Variants in TMEM132D observed in about 807,000 individuals in gnomAD.
TMEM132D encodes the protein mature OL transmembrane protein.
A neutral mutation model predicts 62.3 loss-of-function variants in TMEM132D; 21 were observed. That is an observed-to-expected ratio of 0.34 (90% CI 0.24 to 0.49). The LOEUF is 0.49. Among genes scored for constraint, TMEM132D ranks in the 20% least tolerant of loss-of-function variants. TMEM132D has a pLI of 0.99. For missense variants in TMEM132D, 1,346 were observed against 1,402.8 expected (o/e 0.96, Z 0.65); for synonymous variants, 621 against 575.6 (o/e 1.08, Z -1.13).
chr12:129,622,490 G>C (rs531305995), intron 2 of TMEM132D, among the ~76,000 whole-genome samples: 1 of 152,090 alleles, frequency 6.6e-6, no homozygotes, highest in Non-Finnish European at 1.5e-5. Flanking sequence ...CCAGCTGACC[G>C]ACTATATCCT....
intron 1 of TMEM132D, among the ~76,000 whole-genome samples, chr12:129,838,068 C>T (rs1180314975): frequency 6.6e-6 from 1 of 152,172 alleles, no homozygotes; most frequent in Non-Finnish European, 1.5e-5. Flanking sequence ...TTTCATGCAC[C>T]AATAAAATTT....
At position 129,477,617 on chromosome 12, in the gene TMEM132D, G is replaced by A. The variant is rs1463564200; in HGVS notation, c.1115+53442C>T. On this transcript the variant is annotated intron_variant, in intron 3 of 8. Coordinates refer to ENST00000422113, the MANE Select transcript of TMEM132D (RefSeq NM_133448.3). ...GGGTGGATCACCAGGTCAGGAGATCGAGACCATCCTGGCTAACACGGTGAA... is the reference window on the plus strand; with the variant it reads ...GGGTGGATCACCAGGTCAGGAGATCAAGACCATCCTGGCTAACACGGTGAA... Among the ~76,000 whole-genome samples, 5 of 152,130 alleles carry A rather than the reference G, an allele frequency of 3.3e-5. No homozygotes were observed. In the South Asian group the frequency reaches 8.3e-4, roughly 25 times the overall value.
At chr12:129,559,738 A>G (rs1877162136) in intron 2 of TMEM132D, among the ~76,000 whole-genome samples, 1 of 152,190 alleles carries the variant, frequency 6.6e-6, no homozygotes, top group Admixed American at 6.5e-5. Flanking sequence ...ATCCCCTCAA[A>G]AAGTCAACTT....
intron 4 of TMEM132D, among the ~76,000 whole-genome samples, chr12:129,276,255 A>G (rs917308720): frequency 1.3e-5 from 2 of 152,332 alleles, no homozygotes; most frequent in East Asian, 3.9e-4. Flanking sequence ...TTACCCAAAG[A>G]TAAAACGCTT....
chr12:129,393,950 C>T (rs1871354905), intron 3 of TMEM132D, among the ~76,000 whole-genome samples: 1 of 152,132 alleles, frequency 6.6e-6, no homozygotes, highest in Non-Finnish European at 1.5e-5. Context: ...AGACATCCAC[C>T]CCACTGTCAA....
At chr12:129,543,998 C>T (rs766326401) in intron 2 of TMEM132D, among the ~76,000 whole-genome samples, 1 of 152,126 alleles carries the variant, frequency 6.6e-6, no homozygotes, top group South Asian at 2.1e-4. Flanking sequence ...AGGATAAATT[C>T]TTAAAAAAGG....
chr12:129,247,673 T>C (rs1410926543), intron 4 of TMEM132D, among the ~76,000 whole-genome samples: 1 of 152,216 alleles, frequency 6.6e-6, no homozygotes, highest in Non-Finnish European at 1.5e-5. Flanking sequence ...AACAGTCAGG[T>C]TCTCAGCCCA....
intron 3 of TMEM132D, among the ~76,000 whole-genome samples, chr12:129,491,748 C>A (rs949655176): frequency 2.0e-5 from 3 of 152,114 alleles, no homozygotes; most frequent in African/African-American, 4.8e-5. Context: ...TCAAGGCCAG[C>A]CTGGGCAACA....
intron 1 of TMEM132D, among the ~76,000 whole-genome samples, chr12:129,719,375 TTTCCTTG>T (rs1315915713): frequency 6.6e-6 from 1 of 152,204 alleles, no homozygotes; most frequent in Non-Finnish European, 1.5e-5. Context: ...TAAAAATACA[TTTCCTTG>T]AATGGAAAAA....
intron 5 of TMEM132D, among the ~76,000 whole-genome samples, chr12:129,141,220 T>A (rs901595200): frequency 2.0e-5 from 3 of 152,200 alleles, no homozygotes; most frequent in Admixed American, 2.0e-4. Context: ...AGTTCAATGG[T>A]CAGCCTGGTC....
rs115574984 is a variant in TMEM132D, at chr12:129,734,760, T to C, written c.80-34062A>G. 9.6e-3 allele frequency among the ~76,000 whole-genome samples: 1,463 copies of C among 152,260 alleles called. 28 individuals are homozygous for C. The highest frequency in any genetic ancestry group is 0.033 in the African/African-American group (1,366 of 41,568). On this transcript the variant is annotated intron_variant, in intron 1 of 8. Transcript: ENST00000422113. ...AGGAAACAAAAGCAAAGGGTTAAAC[T>C]CTAAAGTATTGGAGAAGGTGGTTTC...
At chr12:129,272,093 G>T (rs1404363316) in intron 4 of TMEM132D, among the ~76,000 whole-genome samples, 2 of 151,794 alleles carry the variant, frequency 1.3e-5, no homozygotes, top group African/African-American at 2.4e-5. Flanking sequence ...CGGGGTGATT[G>T]GATGCCAGGT....
intron 3 of TMEM132D, among the ~76,000 whole-genome samples, chr12:129,490,617 T>G (rs1173153123): frequency 3.0e-5 from 4 of 134,352 alleles, no homozygotes; most frequent in Non-Finnish European, 4.7e-5. Flanking sequence ...TTTTTTTTTT[T>G]TTTTTTTTTG....
Position 129,142,102 on chromosome 12 carries a change from G to A in TMEM132D, c.1444-57400C>T, listed in dbSNP as rs552411620. On this transcript the variant is annotated intron_variant, in intron 5 of 8. Coordinates refer to ENST00000422113, the MANE Select transcript of TMEM132D (RefSeq NM_133448.3). ...CCCATTTGATGGAAAAGACAAGGCT[G>A]TTAAAAAATAAAAAGGTTGGCCATA... 4.4e-4 allele frequency among the ~76,000 whole-genome samples: 66 copies of A among 151,474 alleles called. 1 individual carries two copies. In the South Asian group the frequency reaches 0.012, roughly 29 times the overall value.
In TMEM132D at chr12:129,611,792, T is replaced by G. The variant is rs1878780948; in HGVS notation, c.969-80587A>C. Among the ~76,000 whole-genome samples, 3 of 152,210 alleles carry G rather than the reference T, an allele frequency of 2.0e-5. No individual in the cohort carries two copies. In the South Asian group the frequency reaches 6.2e-4, roughly 31 times the overall value. ...TGTCATCTTGTGGCCTCAGCCCAAT[T>G]GTAGGGAAAGTCTGGAGATGTAGGG... On this transcript the variant is annotated intron_variant, in intron 2 of 8. Coordinates refer to ENST00000422113, the MANE Select transcript of TMEM132D (RefSeq NM_133448.3).
intron 2 of TMEM132D, among the ~76,000 whole-genome samples, chr12:129,599,392 C>G (rs1374408359): frequency 6.6e-6 from 1 of 152,206 alleles, no homozygotes. Context: ...GCATTACACA[C>G]CAGCCACTAT....
chr12:129,643,212 C>A (rs1453053079), intron 2 of TMEM132D, among the ~76,000 whole-genome samples: 1 of 152,094 alleles, frequency 6.6e-6, no homozygotes, highest in Non-Finnish European at 1.5e-5. Context: ...CGTGAGCCAC[C>A]ACACCTAGCC....
At chr12:129,586,846 A>C (rs1024998048) in intron 2 of TMEM132D, among the ~76,000 whole-genome samples, 1 of 152,198 alleles carries the variant, frequency 6.6e-6, no homozygotes, top group African/African-American at 2.4e-5. Context: ...TTCCAAATCA[A>C]TAGGGAAAGG....
chr12:129,634,245 GA>G (rs879338793), intron 2 of TMEM132D, among the ~76,000 whole-genome samples: 1 of 152,032 alleles, frequency 6.6e-6, no homozygotes, highest in Non-Finnish European at 1.5e-5. Flanking sequence ...GGCCGAGACA[GA>G]AGGATGGCTT....
Sources: gnomAD v4.1 joint callset for allele counts (sites outside exome capture counted in the v4.1 genomes callset) on GRCh38, gnomAD v4.1.1 for gene constraint, MANE v1.5 for transcripts, NCBI Gene and HGNC (gene_info 2026-07-23, HGNC 2026-07-21) for gene names.